The following ATE1 variants were observed in gnomAD, a reference collection of about 807,000 sequenced individuals.
The protein encoded by ATE1 is arginyl-tRNA--protein transferase 1.
In ATE1, 36 loss-of-function variants were observed where a neutral mutation model predicts 70.5. The observed-to-expected ratio is 0.51, with a 90% CI of 0.39 to 0.67. The LOEUF is 0.67. Among genes scored for constraint, ATE1 ranks in the 30% least tolerant of loss-of-function variants. The pLI, the probability that ATE1 is intolerant of heterozygous loss-of-function variation, is 0.00. For missense variants in ATE1, 593 were observed against 629.5 expected, an observed-to-expected ratio of 0.94 and a Z score of 0.62; for synonymous variants, 232 against 219.3, an observed-to-expected ratio of 1.06 and a Z score of -0.51.
chr10:121,810,891 C>CG (rs1477909006), intron 10 of ATE1, among the ~76,000 whole-genome samples: 1 of 152,010 alleles, frequency 6.6e-6, no homozygotes, highest in East Asian at 1.9e-4. Flanking sequence ...TTAATAGAGA[C>CG]GGGGTTTCAC....
intron 7 of ATE1, among the ~76,000 whole-genome samples, chr10:121,873,786 T>C (rs1259665354): frequency 2.0e-5 from 3 of 152,074 alleles, no homozygotes; most frequent in Non-Finnish European, 4.4e-5. Flanking sequence ...GCTCCTGAAA[T>C]GCCTTATTTG....
At chr10:121,891,115 G>C (rs1187299989) in intron 7 of ATE1, among the ~76,000 whole-genome samples, 1 of 152,172 alleles carries the variant, frequency 6.6e-6, no homozygotes, top group Non-Finnish European at 1.5e-5. Context: ...AAGAGAAAAG[G>C]CTTCCTCAAG....
chr10:121,780,442 CCAT>C (rs1480308235), intron 11 of ATE1, among the ~76,000 whole-genome samples: 2 of 152,198 alleles, frequency 1.3e-5, no homozygotes, highest in Non-Finnish European at 2.9e-5. Flanking sequence ...GTCTGTCAGA[CCAT>C]CATCATCTTT....
chr10:121,925,110 C>T (rs1281855024), intron 1 of ATE1, among the ~76,000 whole-genome samples: 1 of 152,120 alleles, frequency 6.6e-6, no homozygotes, highest in East Asian at 1.9e-4. Context: ...AACAATATTC[C>T]TTCTAAGTGT....
intron 8 of ATE1, among the ~76,000 whole-genome samples, chr10:121,842,237 G>C (rs1396434518): frequency 6.6e-6 from 1 of 152,098 alleles, no homozygotes; most frequent in African/African-American, 2.4e-5. Flanking sequence ...CCATCTTCCT[G>C]TAAATATAGC....
rs761325742 is a variant in ATE1 at position 121,900,031 on chromosome 10, A to G, written c.814-37T>C. On this transcript the variant is annotated intron_variant, in intron 6 of 11. Coordinates refer to ENST00000224652, the MANE Select transcript of ATE1 (RefSeq NM_001001976.3). ...GTTAAAAAAACAAGTTTACTAATTC[A>G]TTCATTTATTCATTCTGTGGAATAT... The G allele has an allele frequency of 3.1e-6, 5 of 1,606,566 alleles. No individual in the cohort carries two copies. In the African/African-American group the frequency reaches 5.4e-5, roughly 17 times the overall value.
At chr10:121,860,202 T>G (rs1405979138) in intron 8 of ATE1, among the ~76,000 whole-genome samples, 1 of 152,198 alleles carries the variant, frequency 6.6e-6, no homozygotes, top group Admixed American at 6.5e-5. Flanking sequence ...ATACTCTTAC[T>G]CTGTAAGTGA....
upstream of ATE1, chr10:121,928,038 G>A (rs1312265159): frequency 5.4e-5 from 67 of 1,250,724 alleles, no homozygotes; most frequent in Non-Finnish European, 6.5e-5. Flanking sequence ...CGCCGCCCGG[G>A]AGCCTCCCGA....
At chr10:121,765,535 C>T (rs1437751154) in intron 11 of ATE1, among the ~76,000 whole-genome samples, 1 of 152,158 alleles carries the variant, frequency 6.6e-6, no homozygotes, top group South Asian at 2.1e-4. Context: ...CAGACATATA[C>T]AAAGCCTTAA....
chr10:121,826,337 C>T (rs867688201), intron 10 of ATE1, among the ~76,000 whole-genome samples: 11 of 152,112 alleles, frequency 7.2e-5, no homozygotes, highest in Admixed American at 2.6e-4. Context: ...GATGGAGTCT[C>T]GCTCTGTTGC....
intron 7 of ATE1, among the ~76,000 whole-genome samples, chr10:121,897,824 C>CAA (rs59751617): frequency 8.9e-4 from 91 of 101,752 alleles, no homozygotes; most frequent in South Asian, 5.0e-3. Context: ...GACTCCGTCT[C>CAA]AAAAAAAAAA....
At chr10:121,927,577 C>G (rs1952147810) in intron 1 of ATE1, 1 of 979,576 alleles carries the variant, frequency 1.0e-6, no homozygotes, top group Non-Finnish European at 1.2e-6. Context: ...CTCACACAAT[C>G]TACCCCAGAC....
At chr10:121,750,328 G>A (rs571577050) in intron 11 of ATE1, among the ~76,000 whole-genome samples, 1 of 152,292 alleles carries the variant, frequency 6.6e-6, no homozygotes, top group Admixed American at 6.5e-5. Context: ...GGCTTACTGA[G>A]ATGTCTTAAA....
intron 7 of ATE1, among the ~76,000 whole-genome samples, chr10:121,899,130 C>T (rs868634953): frequency 6.6e-6 from 1 of 152,100 alleles, no homozygotes; most frequent in Non-Finnish European, 1.5e-5. Context: ...GTGCAGAGAC[C>T]GAAGTGCTAA....
In ATE1 at chr10:121,824,990, C is replaced by CA. The variant is rs200339625; in HGVS notation, c.1257+11727dup. Among the ~76,000 whole-genome samples, 1,312 of 148,878 alleles carry CA rather than the reference C, an allele frequency of 8.8e-3. 16 individuals are homozygous for CA. Among genetic ancestry groups the CA allele is most frequent in the Admixed American group, 0.022 (332 of 15,002 alleles). On this transcript the variant is annotated intron_variant, in intron 10 of 11. Coordinates refer to ENST00000224652, the MANE Select transcript of ATE1 (RefSeq NM_001001976.3). ...TGAATAGCTATTTTCAAGCATACGC[C>CA]AAAAAGGAGACAAAGTAAAGAAAAA... is the stretch of plus-strand genomic sequence containing the variant.
intron 11 of ATE1, among the ~76,000 whole-genome samples, chr10:121,747,981 G>C (rs1274990934): frequency 1.3e-5 from 2 of 152,208 alleles, no homozygotes; most frequent in African/African-American, 4.8e-5. Context: ...GCAGATTCAA[G>C]TATGTTTAGA....
intron 1 of ATE1, among the ~76,000 whole-genome samples, chr10:121,925,049 G>A (rs1315330776): frequency 6.6e-6 from 1 of 152,142 alleles, no homozygotes; most frequent in African/African-American, 2.4e-5. Context: ...TTATATACAG[G>A]TATATATTTA....
intron 3 of ATE1, 152 bp downstream of exon 3, chr10:121,922,197 A>G (rs1951908526): frequency 1.7e-6 from 1 of 599,846 alleles, no homozygotes; most frequent in East Asian, 2.9e-5. Context: ...ATACAGCATC[A>G]GTATGAAGAA....
chr10:121,927,072 T>C (rs1254508076), intron 1 of ATE1: 5 of 985,422 alleles, frequency 5.1e-6, no homozygotes, highest in African/African-American at 1.7e-5. Flanking sequence ...ATTAAAATAA[T>C]AGAGTCTACA....
Sources: allele counts gnomAD v4.1 joint callset (sites outside exome capture counted in the v4.1 genomes callset), GRCh38; gene constraint gnomAD v4.1.1; transcripts MANE v1.5; gene names NCBI Gene and HGNC (gene_info 2026-07-23, HGNC 2026-07-21).